The following TSPAN9 variants were observed in gnomAD, a reference collection of about 807,000 sequenced individuals.
TSPAN9 encodes the protein tetraspanin-9.
In TSPAN9, 16 loss-of-function variants were observed where a neutral mutation model predicts 31.0. The ratio of observed to expected loss-of-function variants is 0.52; its 90% CI spans 0.35 to 0.78. The LOEUF (loss-of-function observed/expected upper bound fraction) is 0.78, where lower values mean the gene tolerates loss of function less well. Ranked by LOEUF, TSPAN9 falls within the 30% of genes least tolerant of loss-of-function variation. The pLI, the probability that TSPAN9 is intolerant of heterozygous loss-of-function variation, is 0.01. For synonymous variants in TSPAN9, 145 were observed against 121.6 expected, an observed-to-expected ratio of 1.19 and a Z score of -1.27; for missense variants, 272 against 312.5, an observed-to-expected ratio of 0.87 and a Z score of 0.98.
chr12:3,104,646 G>T (rs868162699), intron 2 of TSPAN9, among the ~76,000 whole-genome samples: 2 of 152,094 alleles, frequency 1.3e-5, no homozygotes, highest in Admixed American at 1.3e-4. Flanking sequence ...GAGCCACTGC[G>T]CCTGGCCTCT....
intron 1 of TSPAN9, among the ~76,000 whole-genome samples, chr12:3,079,799 G>A (rs2153961340): frequency 6.7e-6 from 1 of 149,124 alleles, no homozygotes; most frequent in South Asian, 2.1e-4. Context: ...TAGAGACAGG[G>A]TCTTGCTTTG....
chr12:3,180,213 ATTT>A (rs1260368924), intron 2 of TSPAN9, among the ~76,000 whole-genome samples: 20 of 152,150 alleles, frequency 1.3e-4, no homozygotes, highest in Admixed American at 1.3e-3. Context: ...TTTCTGTTTT[ATTT>A]TTAAAAAATA....
At chr12:3,129,289 A>G (rs2098328729) in intron 2 of TSPAN9, among the ~76,000 whole-genome samples, 1 of 152,172 alleles carries the variant, frequency 6.6e-6, no homozygotes, top group Non-Finnish European at 1.5e-5. Flanking sequence ...ACACCCACCC[A>G]CAGGACTTTG....
At chr12:3,231,869 C>A (rs1038500041) in intron 3 of TSPAN9, among the ~76,000 whole-genome samples, 1 of 152,248 alleles carries the variant, frequency 6.6e-6, no homozygotes, top group Admixed American at 6.5e-5. Context: ...CACCTTGCTC[C>A]TGACGCTCTG....
rs877089 is a variant in TSPAN9 at position 3,280,393 on chromosome 12, C to A, written c.342C>A (p.Asn114Lys). The change falls in exon 6 of 9, where the codon AAC (asparagine) becomes AAA (lysine). Residue 114 changes from asparagine (N) to lysine (K), a missense_variant. Physicochemically the swap from Asn to Lys is moderately conservative, Grantham distance 94. Coordinates refer to ENST00000011898, the MANE Select transcript of TSPAN9 (RefSeq NM_006675.5). The surrounding 1 kb of genome is among the most constrained non-coding windows in gnomAD (Gnocchi z 4.5). ...FFVYMDKVNE[N>K]AKKDLKEGLL... ...CCTCCGCCTGGCAGGTGAACGAGAA[C>A]GCCAAGAAGGACCTGAAGGAAGGCC... 1.2e-5 allele frequency: 19 copies of A among 1,612,910 alleles called. No individual in the cohort carries two copies. The highest frequency in any genetic ancestry group is 1.5e-5 in the Non-Finnish European group (18 of 1,179,996).
At chr12:3,126,666 T>C (rs1245864755) in intron 2 of TSPAN9, among the ~76,000 whole-genome samples, 2 of 152,148 alleles carry the variant, frequency 1.3e-5, no homozygotes, top group East Asian at 1.9e-4. Context: ...CCCAACACTT[T>C]GGGAGGCGGA....
chr12:3,206,122 G>A (rs1056733523), intron 3 of TSPAN9, among the ~76,000 whole-genome samples: 5 of 152,174 alleles, frequency 3.3e-5, no homozygotes, highest in Non-Finnish European at 5.9e-5. Context: ...AACACCCTCC[G>A]GCCTGCTCCT....
At chr12:3,085,322 C>T (rs2098299893) in intron 2 of TSPAN9, among the ~76,000 whole-genome samples, 1 of 151,888 alleles carries the variant, frequency 6.6e-6, no homozygotes, top group South Asian at 2.1e-4. Flanking sequence ...CCCTGCCAGA[C>T]AGAACTTGGT....
chr12:3,190,526 G>A (rs1206207698), intron 2 of TSPAN9, among the ~76,000 whole-genome samples: 1 of 152,200 alleles, frequency 6.6e-6, no homozygotes, highest in Non-Finnish European at 1.5e-5. Context: ...AGGCCCTTTT[G>A]AGGATCTGAC....
At chr12:3,100,941 G>A (rs1363367383) in intron 2 of TSPAN9, among the ~76,000 whole-genome samples, 1 of 152,178 alleles carries the variant, frequency 6.6e-6, no homozygotes, top group African/African-American at 2.4e-5. Context: ...CAATATAAGT[G>A]AACCATGCTT....
chr12:3,155,848 C>T (rs967906318), intron 2 of TSPAN9, among the ~76,000 whole-genome samples: 1 of 152,182 alleles, frequency 6.6e-6, no homozygotes, highest in Non-Finnish European at 1.5e-5. Flanking sequence ...CCAGGGCCCC[C>T]TCTTCCTCCC....
chr12:3,165,417 G>A (rs1271495879), intron 2 of TSPAN9, among the ~76,000 whole-genome samples: 1 of 152,114 alleles, frequency 6.6e-6, no homozygotes, highest in Non-Finnish European at 1.5e-5. Context: ...CAATTCCTTG[G>A]GCAGAATCTG....
chr12:3,222,800 C>T (rs966625294), intron 3 of TSPAN9, among the ~76,000 whole-genome samples: 1 of 152,198 alleles, frequency 6.6e-6, no homozygotes, highest in African/African-American at 2.4e-5. Flanking sequence ...TGACTAATAG[C>T]CCTCTCCTTA....
intron 3 of TSPAN9, among the ~76,000 whole-genome samples, chr12:3,256,374 A>C (rs746178766): frequency 6.6e-6 from 1 of 152,226 alleles, no homozygotes; most frequent in Non-Finnish European, 1.5e-5. Context: ...CACTTGCCGC[A>C]GGGGTCCGGC....
At chr12:3,268,733 T>C (rs1391014505) in intron 3 of TSPAN9, among the ~76,000 whole-genome samples, 3 of 78,684 alleles carry the variant, frequency 3.8e-5, no homozygotes, top group African/African-American at 1.5e-4. Flanking sequence ...GCCCTCCCTG[T>C]GTTCCTGCAG....
At chr12:3,099,989 C>T (rs1465570405) in intron 2 of TSPAN9, among the ~76,000 whole-genome samples, 2 of 152,058 alleles carry the variant, frequency 1.3e-5, no homozygotes, top group African/African-American at 2.4e-5. Flanking sequence ...CTACAGGTGC[C>T]TGCCACCATG....
chr12:3,223,697 C>G (rs2098385730), intron 3 of TSPAN9, among the ~76,000 whole-genome samples: 1 of 152,176 alleles, frequency 6.6e-6, no homozygotes, highest in Non-Finnish European at 1.5e-5. Flanking sequence ...GGGGAACACT[C>G]CTTATGGAGC....
At chr12:3,185,869 CT>C (rs2098361032) in intron 2 of TSPAN9, among the ~76,000 whole-genome samples, 1 of 152,204 alleles carries the variant, frequency 6.6e-6, no homozygotes, top group African/African-American at 2.4e-5. Flanking sequence ...AAGCAAAGGG[CT>C]TGTCTTTCCT....
intron 3 of TSPAN9, among the ~76,000 whole-genome samples, chr12:3,232,111 C>T (rs1269475716): frequency 6.6e-6 from 1 of 152,198 alleles, no homozygotes; most frequent in Non-Finnish European, 1.5e-5. Flanking sequence ...TCTTATGGGC[C>T]TGAGGATGGC....
Sources: allele counts gnomAD v4.1 joint callset (sites outside exome capture counted in the v4.1 genomes callset), GRCh38; gene constraint gnomAD v4.1.1; non-coding constraint Gnocchi (gnomAD v3.1); transcripts MANE v1.5; gene names NCBI Gene and HGNC (gene_info 2026-07-23, HGNC 2026-07-21).